Variants in PTPRT observed in about 807,000 individuals in gnomAD.
PTPRT encodes receptor-type tyrosine-protein phosphatase T.
In PTPRT, 56 loss-of-function variants were observed where a neutral mutation model predicts 176.8. That is an observed-to-expected ratio of 0.32 (90% CI 0.26 to 0.40). The LOEUF (loss-of-function observed/expected upper bound fraction) is 0.40, where lower values mean the gene tolerates loss of function less well. Among genes scored for constraint, PTPRT ranks in the 10% least tolerant of loss-of-function variants. The pLI is 1.00. For missense variants in PTPRT, 1,540 were observed against 1,908.2 expected, an observed-to-expected ratio of 0.81 and a Z score of 3.60; for synonymous variants, 783 against 739.0, an observed-to-expected ratio of 1.06 and a Z score of -0.96.
intron 2 of PTPRT, among the ~76,000 whole-genome samples, chr20:42,884,306 T>C (rs535178197): frequency 1.3e-5 from 2 of 152,154 alleles, no homozygotes; most frequent in Non-Finnish European, 2.9e-5. Flanking sequence ...AAGGCTTGTA[T>C]CAACACTTTT....
intron 9 of PTPRT, among the ~76,000 whole-genome samples, chr20:42,384,206 C>T (rs904732425): frequency 1.3e-5 from 2 of 152,202 alleles, no homozygotes; most frequent in African/African-American, 4.8e-5. Context: ...AAGATTAATA[C>T]AATGTGGCTC....
chr20:43,165,668 G>T (rs540617480), intron 1 of PTPRT, among the ~76,000 whole-genome samples: 1 of 152,230 alleles, frequency 6.6e-6, no homozygotes, highest in Non-Finnish European at 1.5e-5. Flanking sequence ...ATAAAAGACA[G>T]TATCAGGAGC....
intron 1 of PTPRT, among the ~76,000 whole-genome samples, chr20:43,000,041 T>C (rs1389641980): frequency 9.8e-6 from 1 of 102,482 alleles, no homozygotes; most frequent in Non-Finnish European, 1.8e-5. Flanking sequence ...AAGGGAAGAA[T>C]GGAGGAAGGG....
chr20:42,358,374 C>T (rs567664402), intron 9 of PTPRT, among the ~76,000 whole-genome samples: 1 of 152,236 alleles, frequency 6.6e-6, no homozygotes, highest in Admixed American at 6.5e-5. Flanking sequence ...GGTGCTTGGC[C>T]ATGTACTAAG....
chr20:42,708,097 T>C (rs896742298), intron 6 of PTPRT, among the ~76,000 whole-genome samples: 8 of 152,166 alleles, frequency 5.3e-5, no homozygotes, highest in Admixed American at 2.6e-4. Flanking sequence ...ATGTGTAATA[T>C]AGCATTAACT....
intron 1 of PTPRT, among the ~76,000 whole-genome samples, chr20:42,932,821 C>T (rs1369869333): frequency 3.3e-5 from 5 of 152,202 alleles, no homozygotes; most frequent in African/African-American, 9.6e-5. Context: ...CCTCAACAGG[C>T]GTCTACTGCC....
chr20:43,140,544 T>G (rs2013974118), intron 1 of PTPRT, among the ~76,000 whole-genome samples: 1 of 151,922 alleles, frequency 6.6e-6, no homozygotes, highest in African/African-American at 2.4e-5. Context: ...GCATGTAGTG[T>G]AAAGTGGTTT....
intron 11 of PTPRT, among the ~76,000 whole-genome samples, chr20:42,341,966 T>TA (rs2058117837): frequency 6.6e-6 from 1 of 152,208 alleles, no homozygotes; most frequent in Non-Finnish European, 1.5e-5. Context: ...CAATTCTTGG[T>TA]AAGCTGAGTT....
In PTPRT at chr20:42,949,599, G is replaced by A. The variant is rs190263730; in HGVS notation, c.89-63667C>T. 2.2e-3 allele frequency among the ~76,000 whole-genome samples: 333 copies of A among 152,232 alleles called. 1 individual carries two copies. The highest frequency in any genetic ancestry group is 3.7e-3 in the Non-Finnish European group (252 of 68,030). On this transcript the variant is annotated intron_variant, in intron 1 of 30. Coordinates refer to ENST00000373187, the MANE Select transcript of PTPRT (RefSeq NM_007050.6). Reference sequence around the variant, plus strand: ...ATTTTTGCCTTTGATCCACCCCAGCGGGAGCATCAAACATTATGGAGTGGA... The same window carrying A: ...ATTTTTGCCTTTGATCCACCCCAGCAGGAGCATCAAACATTATGGAGTGGA...
chr20:42,681,243 T>C (rs977723626), intron 6 of PTPRT, among the ~76,000 whole-genome samples: 3 of 152,162 alleles, frequency 2.0e-5, no homozygotes, highest in Admixed American at 6.5e-5. Context: ...TACAGGGCCA[T>C]CCAGTCCAAT....
At chr20:42,616,764 C>T (rs996651045) in intron 7 of PTPRT, among the ~76,000 whole-genome samples, 5,167 of 130,968 alleles carry the variant, frequency 0.039, 1,419 homozygotes, top group African/African-American at 0.18. Context: ...TATAAGAATG[C>T]TTGTGATTTT....
chr20:42,953,522 GCTCAGATGAC>G (rs1981396102), intron 1 of PTPRT, among the ~76,000 whole-genome samples: 1 of 152,194 alleles, frequency 6.6e-6, no homozygotes, highest in South Asian at 2.1e-4. Context: ...TTGAAGAAGA[GCTCAGATGAC>G]CTCTGTTCCT....
intron 16 of PTPRT, among the ~76,000 whole-genome samples, chr20:42,165,722 A>C (rs1047429013): frequency 6.6e-6 from 1 of 152,248 alleles, no homozygotes; most frequent in Non-Finnish European, 1.5e-5. Context: ...TAATTCAAAT[A>C]GAAATATTTA....
chr20:43,100,597 C>T (rs1196566336), intron 1 of PTPRT, among the ~76,000 whole-genome samples: 1 of 152,210 alleles, frequency 6.6e-6, no homozygotes, highest in East Asian at 1.9e-4. Flanking sequence ...ACAGAATTTT[C>T]ATTCCATAAC....
intron 1 of PTPRT, among the ~76,000 whole-genome samples, chr20:43,033,052 C>T (rs1015819309): frequency 3.9e-5 from 6 of 152,156 alleles, no homozygotes; most frequent in Middle Eastern, 3.2e-3. Flanking sequence ...CCTGAGACCT[C>T]CCAAAGAAGA....
At chr20:42,904,184 A>G (rs971180897) in intron 1 of PTPRT, among the ~76,000 whole-genome samples, 2 of 152,084 alleles carry the variant, frequency 1.3e-5, no homozygotes, top group African/African-American at 4.8e-5. Flanking sequence ...AGCTCTACGC[A>G]CATTTTTTTT....
At chr20:43,167,296 A>G (rs17824064) in intron 1 of PTPRT, among the ~76,000 whole-genome samples, 7,100 of 152,302 alleles carry the variant, frequency 0.047, 203 homozygotes, top group Non-Finnish European at 0.067. Flanking sequence ...CACTTAATAA[A>G]TTAACCAAGG....
chr20:42,412,607 T>C lies in PTPRT; in HGVS notation c.1560+35613A>G, dbSNP rs558695887. Among the ~76,000 whole-genome samples the C allele has an allele frequency of 1.2e-4, 18 of 152,314 alleles. No homozygotes were observed. The South Asian group carries it at 2.7e-3, about 23-fold the overall frequency. ...CTATTCAAAGACTTGTACACAAATA[T>C]TCATAACAGTTTTACCTATAGTAGA... On this transcript the variant is annotated intron_variant, in intron 9 of 30. Transcript: ENST00000373187.
chr20:42,771,491 T>C lies in PTPRT; in HGVS notation c.628A>G (p.Thr210Ala). 6.2e-7 allele frequency: 1 copy of C among 1,614,188 alleles called. No individual in the cohort carries two copies. The highest frequency in any genetic ancestry group is 8.5e-7 in the Non-Finnish European group (1 of 1,180,034). Reference sequence around the variant, plus strand: ...TTCCCACCAGCAATGCACTGAAATGTGGCATTCTGCCCCACATTCACCTCC... The same window carrying C: ...TTCCCACCAGCAATGCACTGAAATGCGGCATTCTGCCCCACATTCACCTCC... ...NVEVNVGQNA[T>A]FQCIAGGKWS... Residue 210 changes from threonine to alanine, a missense_variant, in exon 5 of 31, where the codon ACA (threonine) becomes GCA (alanine). Thr to Ala is a moderately conservative substitution (Grantham distance 58). Transcript: ENST00000373187.
Sources: gnomAD v4.1 joint callset for allele counts (sites outside exome capture counted in the v4.1 genomes callset) on GRCh38, gnomAD v4.1.1 for gene constraint, MANE v1.5 for transcripts, NCBI Gene and HGNC (gene_info 2026-07-23, HGNC 2026-07-21) for gene names.